NRG3: variants seen among roughly 807,000 people sequenced by gnomAD.
The protein encoded by NRG3 is pro-neuregulin-3, membrane-bound isoform.
Under a neutral mutation model 66.9 loss-of-function variants are expected in NRG3, and 31 were observed. The observed-to-expected ratio is 0.46, with a 90% confidence interval of 0.35 to 0.63. The LOEUF (loss-of-function observed/expected upper bound fraction) is 0.63, where lower values mean the gene tolerates loss of function less well. Ranked by LOEUF, NRG3 falls within the 20% of genes least tolerant of loss-of-function variation. The pLI is 0.00. For synonymous variants in NRG3, 393 were observed against 359.4 expected (o/e 1.09, Z -1.06); for missense variants, 910 against 878.9 (o/e 1.04, Z -0.45).
intron 3 of NRG3, among the ~76,000 whole-genome samples, chr10:82,783,434 A>G (rs1395186238): frequency 6.6e-6 from 1 of 151,696 alleles, no homozygotes; most frequent in African/African-American, 2.4e-5. Context: ...TTTGCAGATG[A>G]CATGATTGTA....
At chr10:82,774,643 T>A (rs1363128725) in intron 3 of NRG3, among the ~76,000 whole-genome samples, 1 of 151,912 alleles carries the variant, frequency 6.6e-6, no homozygotes. Flanking sequence ...TTCTATTTTA[T>A]GTACTTGAGT....
chr10:82,896,342 A>G (rs1843661209), intron 4 of NRG3, among the ~76,000 whole-genome samples: 1 of 152,210 alleles, frequency 6.6e-6, no homozygotes, highest in Non-Finnish European at 1.5e-5. Flanking sequence ...TGGTGGAACC[A>G]GGCTCCAAGC....
intron 3 of NRG3, among the ~76,000 whole-genome samples, chr10:82,771,086 C>T (rs2059696538): frequency 6.6e-6 from 1 of 152,096 alleles, no homozygotes; most frequent in African/African-American, 2.4e-5. Context: ...ATGCAAGTGT[C>T]TCAGTACAAC....
chr10:82,177,723 G>A (rs946411580), intron 1 of NRG3, among the ~76,000 whole-genome samples: 13 of 152,188 alleles, frequency 8.5e-5, no homozygotes, highest in African/African-American at 1.2e-4. Context: ...ACAGGCGTGC[G>A]CCACCACATC....
intron 2 of NRG3, among the ~76,000 whole-genome samples, chr10:82,610,277 A>G (rs1469000680): frequency 6.6e-6 from 1 of 152,216 alleles, no homozygotes; most frequent in Non-Finnish European, 1.5e-5. Context: ...CTACTTTAGG[A>G]TCAATTAATT....
At chr10:81,886,608 A>G (rs1842631676) in intron 1 of NRG3, among the ~76,000 whole-genome samples, 1 of 152,156 alleles carries the variant, frequency 6.6e-6, no homozygotes, top group Non-Finnish European at 1.5e-5. Flanking sequence ...CATAAGAAGG[A>G]CAACAGATGT....
chr10:81,922,822 C>T (rs967136121), intron 1 of NRG3, among the ~76,000 whole-genome samples: 1 of 152,140 alleles, frequency 6.6e-6, no homozygotes, highest in Non-Finnish European at 1.5e-5. Flanking sequence ...CAAATATTTG[C>T]TGACAGATTT....
Position 82,944,697 on chromosome 10 carries a change from T to A in NRG3, c.1055-6772T>A, listed in dbSNP as rs1455168900. The stretch of plus-strand genomic sequence containing the variant: ...AGAAATGTAGACAATGTGATATTTT[T>A]TAGGTTTACTTTCTGTTTTCTATTA... On this transcript the variant is annotated intron_variant, in intron 4 of 8. Transcript: ENST00000372141. 2.0e-5 allele frequency among the ~76,000 whole-genome samples: 3 copies of A among 152,214 alleles called. No individual in the cohort carries two copies. The East Asian group carries it at 5.8e-4, about 29-fold the overall frequency.
chr10:82,587,517 G>A (rs1295915426), intron 2 of NRG3, among the ~76,000 whole-genome samples: 1 of 152,186 alleles, frequency 6.6e-6, no homozygotes, highest in Non-Finnish European at 1.5e-5. Context: ...TAGACTATCT[G>A]TAGTCTCTTA....
chr10:82,487,010 C>T (rs1358833340), intron 2 of NRG3, among the ~76,000 whole-genome samples: 4 of 150,954 alleles, frequency 2.6e-5, no homozygotes, highest in African/African-American at 9.7e-5. Context: ...GTTAACAATA[C>T]TGTACTGAAC....
At chr10:82,033,018 T>C (rs1416305017) in intron 1 of NRG3, among the ~76,000 whole-genome samples, 1 of 152,128 alleles carries the variant, frequency 6.6e-6, no homozygotes, top group East Asian at 1.9e-4. Context: ...AACTCATTAA[T>C]GTAGGAACCA....
At chr10:82,560,515 G>A (rs1056371793) in intron 2 of NRG3, among the ~76,000 whole-genome samples, 47 of 150,766 alleles carry the variant, frequency 3.1e-4, no homozygotes, top group African/African-American at 1.1e-3. Flanking sequence ...ACTACCTTAA[G>A]TGTTCCTTTA....
At chr10:82,617,751 T>C (rs1373278341) in intron 2 of NRG3, among the ~76,000 whole-genome samples, 1 of 152,152 alleles carries the variant, frequency 6.6e-6, no homozygotes, top group East Asian at 1.9e-4. Context: ...CCACGGCCAG[T>C]TGGCATGGAA....
intron 3 of NRG3, among the ~76,000 whole-genome samples, chr10:82,738,872 C>T (rs1416810750): frequency 6.6e-6 from 1 of 152,174 alleles, no homozygotes; most frequent in African/African-American, 2.4e-5. Context: ...CCACCTTGAA[C>T]CCCTGCTGGG....
chr10:82,943,817 A>G (rs1016078186), intron 4 of NRG3, among the ~76,000 whole-genome samples: 1 of 152,102 alleles, frequency 6.6e-6, no homozygotes, highest in East Asian at 1.9e-4. Context: ...CACAGGGGGG[A>G]AAAATTTTAA....
intron 1 of NRG3, among the ~76,000 whole-genome samples, chr10:81,903,937 A>G (rs1462715869): frequency 6.6e-6 from 1 of 151,748 alleles, no homozygotes; most frequent in African/African-American, 2.4e-5. Context: ...TCAACATGGT[A>G]AACATGTATA....
intron 2 of NRG3, among the ~76,000 whole-genome samples, chr10:82,568,919 G>T (rs1274209911): frequency 6.6e-6 from 1 of 151,604 alleles, no homozygotes; most frequent in Non-Finnish European, 1.5e-5. Flanking sequence ...CTACATCACT[G>T]CCTCTGATGT....
At chr10:82,253,381 T>C (rs188788601) in intron 1 of NRG3, among the ~76,000 whole-genome samples, 2 of 152,184 alleles carry the variant, frequency 1.3e-5, no homozygotes, top group Non-Finnish European at 2.9e-5. Context: ...AACCAAGAAG[T>C]TGTAGACAAT....
At chr10:82,729,200 C>A (rs1335018175) in intron 2 of NRG3, among the ~76,000 whole-genome samples, 1 of 152,174 alleles carries the variant, frequency 6.6e-6, no homozygotes, top group African/African-American at 2.4e-5. Flanking sequence ...TAGAATCTCA[C>A]ATTTTTCACA....
Sources: gnomAD v4.1 joint callset for allele counts (sites outside exome capture counted in the v4.1 genomes callset) on GRCh38, gnomAD v4.1.1 for gene constraint, MANE v1.5 for transcripts, NCBI Gene and HGNC (gene_info 2026-07-23, HGNC 2026-07-21) for gene names.